The following ACOT6 variants were observed in gnomAD, a reference collection of about 807,000 sequenced individuals.
ACOT6 encodes acyl-coenzyme A thioesterase 6.
Under a neutral mutation model 12.3 loss-of-function variants are expected in ACOT6, and 14 were observed. The observed-to-expected ratio is 1.14, with a 90% CI of 0.75 to 1.78. The LOEUF is 1.78. Ranked by LOEUF, ACOT6 falls within the 40% of genes most tolerant of loss-of-function variation. The pLI, the probability that ACOT6 is intolerant of heterozygous loss-of-function variation, is 0.00. For synonymous variants in ACOT6, 218 were observed against 231.3 expected (o/e 0.94, Z 0.52); for missense variants, 523 against 551.8 (o/e 0.95, Z 0.52).
chr14:73,614,746 CAAAAA>C (rs60415801), intron 1 of ACOT6, among the ~76,000 whole-genome samples: 1 of 113,028 alleles, frequency 8.8e-6, no homozygotes. Flanking sequence ...GACCCTGTCT[CAAAAA>C]AAAAAAAAAA....
At chr14:73,615,357 A>T (rs1890515989) in intron 1 of ACOT6, among the ~76,000 whole-genome samples, 1 of 140,316 alleles carries the variant, frequency 7.1e-6, no homozygotes, top group Non-Finnish European at 1.5e-5. Flanking sequence ...ACATCACTCC[A>T]GCCTGGGCAA....
At chr14:73,618,518 T>C (rs1890577682) in intron 2 of ACOT6, among the ~76,000 whole-genome samples, 1 of 149,330 alleles carries the variant, frequency 6.7e-6, no homozygotes. Context: ...CGGGCTGACC[T>C]CTCCCCTATG....
intron 1 of ACOT6, among the ~76,000 whole-genome samples, chr14:73,615,403 A>C (rs1226019959): frequency 4.9e-5 from 4 of 82,202 alleles, no homozygotes; most frequent in African/African-American, 6.5e-5. Context: ...AAAAAAAAAA[A>C]AAAACAAAAA....
chr14:73,617,319 G>C (rs1258147901), intron 2 of ACOT6, 127 bp downstream of exon 2: 3 of 1,321,670 alleles, frequency 2.3e-6, no homozygotes, highest in Non-Finnish European at 3.2e-6. Flanking sequence ...TCCTTCAAAG[G>C]TTACTAGGGT....
upstream of ACOT6, chr14:73,612,487 G>A (rs755046728): frequency 9.6e-6 from 9 of 940,044 alleles, no homozygotes; most frequent in Non-Finnish European, 1.3e-5. Flanking sequence ...CTCCGCCCTC[G>A]ACTACTTTCC....
intron 2 of ACOT6, 147 bp downstream of exon 2, chr14:73,617,339 G>T: frequency 1.8e-6 from 2 of 1,108,502 alleles, no homozygotes; most frequent in Non-Finnish European, 2.7e-6. Flanking sequence ...TGGAAGCTGG[G>T]CATGGTGATG....
intron 2 of ACOT6, 58 bp from the exon 3 acceptor site, chr14:73,619,176 G>A: frequency 6.6e-7 from 1 of 1,508,358 alleles, no homozygotes; most frequent in Non-Finnish European, 8.8e-7. Context: ...TAAAATCACT[G>A]TCTGTGTCCT....
At chr14:73,618,248 C>CT (rs1890572768) in intron 2 of ACOT6, among the ~76,000 whole-genome samples, 2 of 152,134 alleles carry the variant, frequency 1.3e-5, no homozygotes, top group South Asian at 4.1e-4. Flanking sequence ...TCCAGACATT[C>CT]TAATGTTAAG....
rs60415801 is a variant in ACOT6, at chr14:73,614,746, C to CA, written c.461+1733dup. Among the ~76,000 whole-genome samples, 848 of 113,008 alleles carry CA rather than the reference C, an allele frequency of 7.5e-3. 6 individuals carry two copies. The highest frequency in any genetic ancestry group is 0.012 in the South Asian group (40 of 3,360). 74.1% of individuals were successfully genotyped at this position (113,008 alleles called of 152,430 possible). ...TGGGCGACAGAGCGAGACCCTGTCTCAAAAAAAAAAAAAAAAAAATCACAC... is the reference window on the plus strand; with the variant it reads ...TGGGCGACAGAGCGAGACCCTGTCTCAAAAAAAAAAAAAAAAAAAATCACAC... On this transcript the variant is annotated intron_variant, in intron 1 of 2. Transcript: ENST00000645972.
In ACOT6 at chr14:73,613,682, C is replaced by A. The variant is rs546245126; in HGVS notation, c.461+650C>A. ...CTGAAGGGAGAGGTGCTATTGGCAT[C>A]TAGCAGGCAGAGGCCAGAGATGCTG... On this transcript the variant is annotated intron_variant, in intron 1 of 2. Transcript: ENST00000645972. Among the ~76,000 whole-genome samples the A allele has an allele frequency of 9.9e-5, 15 of 152,284 alleles. No homozygotes were observed. The East Asian group carries it at 2.9e-3, about 29-fold the overall frequency.
upstream of ACOT6, among the ~76,000 whole-genome samples, chr14:73,612,139 T>A (rs144679430): frequency 0.02 from 3,058 of 152,078 alleles, 106 homozygotes; most frequent in African/African-American, 0.07. Context: ...CCTCCTGGGT[T>A]CAAGCAATTC....
In ACOT6 at chr14:73,619,764, T is replaced by C. The variant is rs1890600001; in HGVS notation, c.1191T>C (p.Asp397=). 5.0e-6 allele frequency: 8 copies of C among 1,611,088 alleles called. No individual in the cohort carries two copies. The highest frequency in any genetic ancestry group is 6.8e-6 in the Non-Finnish European group (8 of 1,179,212). Residue 397 remains aspartate, a synonymous_variant, in exon 3 of 3, where the codon GAT becomes GAC. Coordinates refer to ENST00000645972, the MANE Select transcript of ACOT6 (RefSeq NM_001365788.1). ...EPKAHSKAQV[D]AWQQIQTFFH... is the part of the protein sequence containing the mutation. ...AGGCTCACTCAAAGGCACAGGTAGATGCCTGGCAGCAAATTCAAACTTTCT... is the reference window on the plus strand; with the variant it reads ...AGGCTCACTCAAAGGCACAGGTAGACGCCTGGCAGCAAATTCAAACTTTCT...
Position 73,617,170 on chromosome 14 carries a change from A to G in ACOT6, c.638A>G (p.Asp213Gly), listed in dbSNP as rs773759793. The stretch of plus-strand genomic sequence containing the variant: ...CTGGAGTACTTTGAAGAAGCCGTGG[A>G]CTTTATGCTGCAGCATCCAAAGGTG... ...VHLEYFEEAV[D>G]FMLQHPKVKG... is the part of the protein sequence containing the mutation. The change falls in exon 2 of 3, where the codon GAC (aspartate) becomes GGC (glycine). Residue 213 changes from aspartate to glycine, a missense_variant. This residue lies in a region of ACOT6 where 219 missense variants were observed against 277.0 expected (regional missense o/e 0.79). Transcript: ENST00000645972. 6.2e-7 allele frequency: 1 copy of G among 1,614,186 alleles called. No homozygotes were observed. Among genetic ancestry groups the G allele is most frequent in the East Asian group, 2.2e-5 (1 of 44,880 alleles).
chr14:73,616,892 G>T, intron 1 of ACOT6, 102 bp from the exon 2 acceptor site: 1 of 571,648 alleles, frequency 1.7e-6, no homozygotes, highest in Non-Finnish European at 3.1e-6. Context: ...TTCTTTCTCT[G>T]CCAATCTCTC....
intron 2 of ACOT6, among the ~76,000 whole-genome samples, chr14:73,617,701 T>C (rs1890562436): frequency 6.6e-6 from 1 of 152,006 alleles, no homozygotes; most frequent in Non-Finnish European, 1.5e-5. Context: ...AAAATGACTA[T>C]AAAGAGATAT....
chr14:73,614,061 CATG>C (rs1223147813), intron 1 of ACOT6, among the ~76,000 whole-genome samples: 1 of 145,468 alleles, frequency 6.9e-6, no homozygotes, highest in East Asian at 2.0e-4. Context: ...ATTAGGCAGG[CATG>C]GTGGTGCATG....
intron 1 of ACOT6, among the ~76,000 whole-genome samples, chr14:73,614,712 A>G (rs978454777): frequency 1.3e-5 from 2 of 148,594 alleles, no homozygotes; most frequent in African/African-American, 5.0e-5. Flanking sequence ...GCGCCACTAC[A>G]CTTCAGCCTG....
At chr14:73,614,671 C>G (rs568333848) in intron 1 of ACOT6, among the ~76,000 whole-genome samples, 6 of 151,226 alleles carry the variant, frequency 4.0e-5, no homozygotes, top group Non-Finnish European at 8.8e-5. Flanking sequence ...CGCTTGAACC[C>G]GGGAGGCTGA....
At position 73,619,697 on chromosome 14, in the gene ACOT6, A is replaced by C. The variant is rs1890598213; in HGVS notation, c.1124A>C (p.His375Pro). 1 of 1,614,100 alleles carries C rather than the reference A, an allele frequency of 6.2e-7. No individual in the cohort carries two copies. The highest frequency in any genetic ancestry group is 1.7e-5 in the Admixed American group (1 of 59,998). Reference protein sequence around the residue: ...PYFPPSRASVHAVLGEAIFYG... With the variant: ...PYFPPSRASVPAVLGEAIFYG... ...TTTCCTCCTTCTAGAGCTTCTGTGC[A>C]CGCTGTTTTGGGTGAGGCAATATTC... The change falls in exon 3 of 3, where the codon CAC (histidine) becomes CCC (proline). Residue 375 changes from histidine to proline, a missense_variant. By Grantham distance (77) the His-to-Pro change is moderately conservative. Coordinates refer to ENST00000645972, the MANE Select transcript of ACOT6 (RefSeq NM_001365788.1).
Sources: allele counts gnomAD v4.1 joint callset (sites outside exome capture counted in the v4.1 genomes callset), GRCh38; gene constraint gnomAD v4.1.1; regional missense constraint gnomAD v4.1.1; transcripts MANE v1.5; gene names NCBI Gene and HGNC (gene_info 2026-07-23, HGNC 2026-07-21).